The following TPH2 variants were observed in gnomAD, a reference collection of about 807,000 sequenced individuals.
The protein encoded by TPH2 is tryptophan 5-hydroxylase 2.
In TPH2, 27 loss-of-function variants were observed where a neutral mutation model predicts 59.1. That is an observed-to-expected ratio of 0.46 (90% CI 0.34 to 0.63). The LOEUF is 0.63. Among genes scored for constraint, TPH2 ranks in the 30% least tolerant of loss-of-function variants. The probability of loss-of-function intolerance (pLI) is 0.01; values close to 1 mark genes in which losing one functional copy is unlikely to be tolerated. For synonymous variants in TPH2, 220 were observed against 210.5 expected, an observed-to-expected ratio of 1.05 and a Z score of -0.39; for missense variants, 523 against 588.3, an observed-to-expected ratio of 0.89 and a Z score of 1.15.
At chr12:72,009,889 A>G (rs1009851170) in intron 8 of TPH2, among the ~76,000 whole-genome samples, 3 of 152,180 alleles carry the variant, frequency 2.0e-5, no homozygotes, top group African/African-American at 7.2e-5. Flanking sequence ...ATAGTGTGGT[A>G]TGGTAAAAAC....
intron 9 of TPH2, among the ~76,000 whole-genome samples, chr12:72,024,371 G>T (rs1873511298): frequency 6.6e-6 from 1 of 152,212 alleles, no homozygotes; most frequent in South Asian, 2.1e-4. Flanking sequence ...ACTGTCTGGG[G>T]TTCACTGGAA....
At chr12:71,980,923 G>A (rs1242356662) in intron 7 of TPH2, among the ~76,000 whole-genome samples, 2 of 152,202 alleles carry the variant, frequency 1.3e-5, no homozygotes, top group African/African-American at 4.8e-5. Flanking sequence ...ATAAAATATA[G>A]TAGCTTTAAA....
intron 8 of TPH2, among the ~76,000 whole-genome samples, chr12:72,021,356 AGTGTGTGTGT>A (rs57532900): frequency 0.51 from 72,456 of 143,146 alleles, 19,284 homozygotes; most frequent in Non-Finnish European, 0.62. Flanking sequence ...GGGCCAATAA[AGTGTGTGTGT>A]GTGTGTGTGT....
chr12:71,967,657 A>T (rs1308381803), intron 5 of TPH2, among the ~76,000 whole-genome samples: 4 of 152,222 alleles, frequency 2.6e-5, no homozygotes, highest in African/African-American at 9.6e-5. Flanking sequence ...GACTTTCTAG[A>T]TATCCAATTA....
intron 9 of TPH2, among the ~76,000 whole-genome samples, chr12:72,026,533 G>A (rs540318861): frequency 6.6e-6 from 1 of 152,292 alleles, no homozygotes; most frequent in South Asian, 2.1e-4. Context: ...GTTCTCTGAT[G>A]TCATCTGTTT....
intron 7 of TPH2, among the ~76,000 whole-genome samples, chr12:71,992,878 T>C (rs1368685057): frequency 1.3e-5 from 2 of 152,238 alleles, no homozygotes; most frequent in African/African-American, 4.8e-5. Context: ...AGGGCTTGGA[T>C]TACATTTAAA....
intron 7 of TPH2, among the ~76,000 whole-genome samples, chr12:71,981,454 A>C (rs2081483048): frequency 6.6e-6 from 1 of 152,134 alleles, no homozygotes; most frequent in Admixed American, 6.5e-5. Context: ...AACACAGAAA[A>C]CCAGCTAGGG....
chr12:71,943,102 G>A (rs1312118974), intron 2 of TPH2, among the ~76,000 whole-genome samples: 1 of 152,118 alleles, frequency 6.6e-6, no homozygotes, highest in Admixed American at 6.5e-5. Context: ...GAAGTCTATT[G>A]GGCCTTGAAC....
intron 5 of TPH2, among the ~76,000 whole-genome samples, chr12:71,959,019 G>A (rs930125964): frequency 6.6e-6 from 1 of 150,968 alleles, no homozygotes; most frequent in Admixed American, 6.6e-5. Context: ...ACATGGAGTG[G>A]TGTTGATTCT....
chr12:72,000,066 T>C (rs1792444862), intron 8 of TPH2, among the ~76,000 whole-genome samples: 1 of 152,220 alleles, frequency 6.6e-6, no homozygotes, highest in African/African-American at 2.4e-5. Flanking sequence ...TACATATGCA[T>C]TGAACATGTG....
intron 7 of TPH2, among the ~76,000 whole-genome samples, chr12:71,990,426 C>T (rs2139218717): frequency 6.6e-6 from 1 of 152,360 alleles, no homozygotes; most frequent in East Asian, 1.9e-4. Context: ...AGTTTGCATT[C>T]TCCCTCAGAC....
At chr12:71,941,525 C>T (rs569729888) in intron 1 of TPH2, 59 bp from the exon 2 acceptor site, 20 of 1,566,906 alleles carry the variant, frequency 1.3e-5, no homozygotes, top group Middle Eastern at 1.7e-4. Context: ...AATCTAATTA[C>T]GGAGGATTCT....
At position 72,022,426 on chromosome 12, in the gene TPH2, C is replaced by A. The variant is rs747579746; in HGVS notation, c.1096C>A (p.Leu366Ile). 1 of 1,613,980 alleles carries A rather than the reference C, an allele frequency of 6.2e-7. No individual in the cohort carries two copies. Among genetic ancestry groups the A allele is most frequent in the Non-Finnish European group, 8.5e-7 (1 of 1,179,904 alleles). Residue 366 changes from leucine (L) to isoleucine (I), a missense_variant, in exon 9 of 11, where the codon CTT (leucine) becomes ATT (isoleucine). By Grantham distance (5) the Leu-to-Ile change is conservative. Coordinates refer to ENST00000333850, the MANE Select transcript of TPH2 (RefSeq NM_173353.4). Reference protein sequence around the residue: ...TCYFFTIEFGLCKQEGQLRAY... With the variant: ...TCYFFTIEFGICKQEGQLRAY... ...CTATTTCTTCACAATCGAGTTTGGC[C>A]TTTGCAAGCAAGAAGGGCAACTGCG...
chr12:71,974,853 C>A (rs1297507557), intron 6 of TPH2, among the ~76,000 whole-genome samples: 1 of 152,180 alleles, frequency 6.6e-6, no homozygotes, highest in Non-Finnish European at 1.5e-5. Context: ...CTGCCCACTG[C>A]CCATAGATGT....
At chr12:71,999,531 C>T (rs984316716) in intron 8 of TPH2, among the ~76,000 whole-genome samples, 1 of 152,100 alleles carries the variant, frequency 6.6e-6, no homozygotes, top group Non-Finnish European at 1.5e-5. Flanking sequence ...AGTTTTGAGA[C>T]CTGCTATTTA....
intron 2 of TPH2, among the ~76,000 whole-genome samples, chr12:71,941,963 G>GA (rs1459899685): frequency 6.6e-6 from 1 of 152,146 alleles, no homozygotes; most frequent in Non-Finnish European, 1.5e-5. Context: ...TAGGAACTCT[G>GA]AAGACTATTG....
At chr12:72,008,794 G>A (rs1307437559) in intron 8 of TPH2, among the ~76,000 whole-genome samples, 1 of 152,122 alleles carries the variant, frequency 6.6e-6, no homozygotes, top group East Asian at 1.9e-4. Flanking sequence ...AGGGTAAGTT[G>A]TGACCAAGTG....
chr12:71,940,710 A>G (rs986772007), intron 1 of TPH2, among the ~76,000 whole-genome samples: 5 of 152,078 alleles, frequency 3.3e-5, no homozygotes, highest in Admixed American at 2.6e-4. Flanking sequence ...CCAGCTTTTT[A>G]TTCTGCATTT....
At chr12:72,015,791 A>T (rs1162943690) in intron 8 of TPH2, among the ~76,000 whole-genome samples, 1 of 152,076 alleles carries the variant, frequency 6.6e-6, no homozygotes. Flanking sequence ...AGCTTTATAG[A>T]CATTGAGCCT....
Sources: gnomAD v4.1 joint callset for allele counts (sites outside exome capture counted in the v4.1 genomes callset) on GRCh38, gnomAD v4.1.1 for gene constraint, MANE v1.5 for transcripts, NCBI Gene and HGNC (gene_info 2026-07-23, HGNC 2026-07-21) for gene names.